The following PARL variants were observed in gnomAD, a reference collection of about 807,000 sequenced individuals.
PARL encodes the protein presenilin associated rhomboid like.
A neutral mutation model predicts 51.6 loss-of-function variants in PARL; 44 were observed. The ratio of observed to expected loss-of-function variants is 0.85; its 90% CI spans 0.67 to 1.10. The LOEUF is 1.10. Ranked by LOEUF, PARL falls within the 50% of genes least tolerant of loss-of-function variation. The pLI is 0.00. For synonymous variants in PARL, 172 were observed against 164.0 expected, an observed-to-expected ratio of 1.05 and a Z score of -0.37; for missense variants, 441 against 469.5, an observed-to-expected ratio of 0.94 and a Z score of 0.56.
chr3:183,863,395 T>C (rs902469843), intron 3 of PARL, among the ~76,000 whole-genome samples: 3 of 152,000 alleles, frequency 2.0e-5, no homozygotes, highest in South Asian at 4.2e-4. Flanking sequence ...GAAAAAAAAA[T>C]TGGCCCTGTC....
At chr3:183,870,981 T>C (rs1324775454) in intron 1 of PARL, among the ~76,000 whole-genome samples, 3 of 152,156 alleles carry the variant, frequency 2.0e-5, no homozygotes, top group Admixed American at 1.3e-4. Context: ...CTTCTAGAGT[T>C]CCAAAGCAGT....
At chr3:183,880,969 C>T (rs575616469) in intron 1 of PARL, among the ~76,000 whole-genome samples, 361 of 152,144 alleles carry the variant, frequency 2.4e-3, no homozygotes, top group Non-Finnish European at 3.7e-3. Flanking sequence ...GCAGCACCAC[C>T]ATACCCACTA....
chr3:183,830,269 G>A (rs1387997911), intron 9 of PARL, among the ~76,000 whole-genome samples: 2 of 152,226 alleles, frequency 1.3e-5, no homozygotes, highest in Admixed American at 6.5e-5. Context: ...ACTGCGGCCT[G>A]AAGCAACGAG....
downstream of PARL, chr3:183,826,590 C>A: frequency 1.9e-5 from 19 of 985,408 alleles, no homozygotes; most frequent in Non-Finnish European, 2.3e-5. Flanking sequence ...AAAACAGATT[C>A]ATCTCCCAAA....
chr3:183,882,253 ATATATATATATATATT>A lies in PARL; in HGVS notation c.125+2453_125+2468del, dbSNP rs1734595154. ...TATATATATATATATATTTATATATATATATATATATATATTTATATATATATATACACACACACAT... is the reference window on the plus strand; with the variant it reads ...TATATATATATATATATTTATATATATATATATATATATACACACACACAT... On this transcript the variant is annotated intron_variant, in intron 1 of 9. Transcript: ENST00000317096. 3.7e-5 allele frequency among the ~76,000 whole-genome samples: 2 copies of A among 53,390 alleles called. 1 individual carries two copies. Among genetic ancestry groups the A allele is most frequent in the Non-Finnish European group, 8.2e-5 (2 of 24,424 alleles). 35.0% of individuals were successfully genotyped at this position (53,390 alleles called of 152,430 possible).
In PARL at chr3:183,882,248, TATA is replaced by T. The variant is rs1560442252; in HGVS notation, c.125+2471_125+2473del. On this transcript the variant is annotated intron_variant, in intron 1 of 9. Transcript: ENST00000317096. ...ATATATATATATATATATATATTTA[TATA>T]TATATATATATATATATTTATATAT... Among the ~76,000 whole-genome samples, 12 of 24,912 alleles carry T rather than the reference TATA, an allele frequency of 4.8e-4. 1 individual carries two copies. In the East Asian group the frequency reaches 0.011, roughly 22 times the overall value. 16.3% of individuals were successfully genotyped at this position (24,912 alleles called of 152,430 possible).
chr3:183,857,216 T>G (rs1731274094), intron 4 of PARL, among the ~76,000 whole-genome samples: 1 of 152,294 alleles, frequency 6.6e-6, no homozygotes, highest in African/African-American at 2.4e-5. Context: ...GCCACTGCAC[T>G]CCAGCCTGAG....
intron 6 of PARL, among the ~76,000 whole-genome samples, chr3:183,841,074 A>G (rs961946875): frequency 6.6e-6 from 1 of 152,104 alleles, no homozygotes; most frequent in Non-Finnish European, 1.5e-5. Flanking sequence ...ATTTTCCTCA[A>G]CTATAACATG....
intron 1 of PARL, among the ~76,000 whole-genome samples, chr3:183,876,051 A>G (rs7648487): frequency 0.59 from 89,490 of 151,978 alleles, 26,772 homozygotes; most frequent in Middle Eastern, 0.7. Context: ...TTATTTGTTT[A>G]TTTTTACTTT....
chr3:183,859,935 T>A (rs974308754), intron 4 of PARL, among the ~76,000 whole-genome samples: 1 of 152,032 alleles, frequency 6.6e-6, no homozygotes, highest in Admixed American at 6.6e-5. Context: ...TTTAACCGAC[T>A]AGAGCTTTCA....
At chr3:183,874,639 C>T (rs11914385) in intron 1 of PARL, among the ~76,000 whole-genome samples, 3,061 of 152,196 alleles carry the variant, frequency 0.02, 84 homozygotes, top group African/African-American at 0.071. Context: ...GAACTCAAAC[C>T]TCACGTGATC....
At chr3:183,836,848 T>C (rs1403085062) in intron 7 of PARL, among the ~76,000 whole-genome samples, 1 of 152,174 alleles carries the variant, frequency 6.6e-6, no homozygotes, top group African/African-American at 2.4e-5. Context: ...AAGTTAATTC[T>C]CACACCTCAG....
intron 4 of PARL, among the ~76,000 whole-genome samples, chr3:183,855,252 T>A (rs1400491903): frequency 6.6e-6 from 1 of 152,222 alleles, no homozygotes; most frequent in Non-Finnish European, 1.5e-5. Context: ...CACAGCCTTT[T>A]AAATATAATA....
intron 4 of PARL, 24 bp from the exon 5 acceptor site, chr3:183,844,350 T>A (rs1416661053): frequency 7.1e-7 from 1 of 1,407,486 alleles, no homozygotes; most frequent in Non-Finnish European, 1.0e-6. Context: ...ATTTATAATT[T>A]AGGGAGGTTA....
chr3:183,829,169 G>T, downstream of PARL: 1 of 234,378 alleles, frequency 4.3e-6, no homozygotes, highest in Non-Finnish European at 8.5e-6. Context: ...CTGGAGAGGG[G>T]ATACTCTCGA....
intron 4 of PARL, chr3:183,844,624 A>G: frequency 3.2e-6 from 1 of 313,242 alleles, no homozygotes; most frequent in South Asian, 4.0e-5. Flanking sequence ...TTATAATCAG[A>G]TCAATAATTT....
At chr3:183,851,820 G>C (rs1259412672) in intron 4 of PARL, among the ~76,000 whole-genome samples, 1 of 152,092 alleles carries the variant, frequency 6.6e-6, no homozygotes, top group African/African-American at 2.4e-5. Flanking sequence ...TAGCAAAATG[G>C]AAATCAAAAC....
intron 1 of PARL, among the ~76,000 whole-genome samples, chr3:183,871,545 A>G (rs946656471): frequency 0.019 from 1,236 of 64,660 alleles, no homozygotes; most frequent in Middle Eastern, 0.027. Context: ...CTTGGGGGGG[A>G]GGGGTGGGGA....
Position 183,829,673 on chromosome 3 carries a change from C to T in PARL, c.1065G>A (p.Lys355=). The T allele has an allele frequency of 6.2e-7, 1 of 1,614,128 alleles. No homozygotes were observed. Among genetic ancestry groups the T allele is most frequent in the South Asian group, 1.1e-5 (1 of 91,080 alleles). The change falls in exon 10 of 10, where the codon AAG becomes AAA. Residue 355 remains lysine (K), a synonymous_variant. Transcript: ENST00000317096. ...YVTYGHELIW[K]NREPLVKIWH... ...AGATTTTCACTAGCGGCTCCCTGTT[C>T]TTCCAAATCAGTTCATGACCGTAAG...
Sources: allele counts gnomAD v4.1 joint callset (sites outside exome capture counted in the v4.1 genomes callset), GRCh38; gene constraint gnomAD v4.1.1; transcripts MANE v1.5; gene names NCBI Gene and HGNC (gene_info 2026-07-23, HGNC 2026-07-21).